The following THUMPD2 variants were observed in gnomAD, a reference collection of about 807,000 sequenced individuals.
The protein encoded by THUMPD2 is U6 snRNA (guanine-N(2))-methyltransferase THUMPD2.
A neutral mutation model predicts 49.4 loss-of-function variants in THUMPD2; 56 were observed. The observed-to-expected ratio is 1.13, with a 90% CI of 0.91 to 1.41. THUMPD2 has a LOEUF of 1.41. THUMPD2 is among the 40% of genes most tolerant of loss of function. The pLI is 0.00. For missense variants in THUMPD2, 709 were observed against 594.5 expected, an observed-to-expected ratio of 1.19 and a Z score of -2.00; for synonymous variants, 237 against 205.2, an observed-to-expected ratio of 1.15 and a Z score of -1.32.
In THUMPD2 at chr2:39,755,500, G is replaced by C. The variant is rs951663811; in HGVS notation, c.964-91C>G. 7.4e-6 allele frequency: 6 copies of C among 808,856 alleles called. No homozygotes were observed. In the African/African-American group the frequency reaches 9.1e-5, roughly 12 times the overall value. 50.1% of individuals were successfully genotyped at this position (808,856 alleles called of 1,614,324 possible). A position where few individuals can be genotyped will look rare whatever the true frequency, so the allele number is the denominator to read the frequency against. ...CGACTTGCATTTTCTCAAATGACAA[G>C]TGAAATTAGTAGATTTTAAATTCAG... On this transcript the variant is annotated intron_variant, in intron 7 of 9. Coordinates refer to ENST00000505747, the MANE Select transcript of THUMPD2 (RefSeq NM_025264.5).
chr2:39,738,848 A>T (rs1673512093), intron 9 of THUMPD2, among the ~76,000 whole-genome samples: 3 of 152,058 alleles, frequency 2.0e-5, no homozygotes, highest in Admixed American at 2.0e-4. Flanking sequence ...CTGAGGAAGC[A>T]GAGGTGTCAA....
At chr2:39,774,167 G>T (rs1678759027) in intron 1 of THUMPD2, among the ~76,000 whole-genome samples, 1 of 152,214 alleles carries the variant, frequency 6.6e-6, no homozygotes, top group South Asian at 2.1e-4. Flanking sequence ...TTCCCGCCTT[G>T]TGCCCTGAGC....
At chr2:39,749,297 G>A (rs1313896185) in intron 8 of THUMPD2, among the ~76,000 whole-genome samples, 5 of 152,146 alleles carry the variant, frequency 3.3e-5, no homozygotes, top group Middle Eastern at 3.2e-3. Flanking sequence ...GCTACTACTG[G>A]AATTGACTTA....
At chr2:39,746,194 CT>C (rs1489254342) in intron 8 of THUMPD2, among the ~76,000 whole-genome samples, 1 of 152,168 alleles carries the variant, frequency 6.6e-6, no homozygotes, top group Admixed American at 6.5e-5. Flanking sequence ...TTCAAAAAAG[CT>C]TTGCAGAACA....
chr2:39,766,222 C>G (rs1677497773), intron 4 of THUMPD2, 113 bp from the exon 5 acceptor site: 1 of 698,272 alleles, frequency 1.4e-6, no homozygotes, highest in Non-Finnish European at 2.3e-6. Context: ...AAAAGAAACT[C>G]CAAGGCCTTA....
At chr2:39,767,750 G>C (rs1386010133) in intron 4 of THUMPD2, among the ~76,000 whole-genome samples, 2 of 151,640 alleles carry the variant, frequency 1.3e-5, no homozygotes. Flanking sequence ...ACAAATGTCA[G>C]ACAAGCGCAA....
At chr2:39,779,004 TG>T (rs937246691) in intron 1 of THUMPD2, 109 bp downstream of exon 1, 25 of 1,295,708 alleles carry the variant, frequency 1.9e-5, no homozygotes, top group Middle Eastern at 2.8e-4. Context: ...GACCGTCGCG[TG>T]GAACAGAGAG....
intron 9 of THUMPD2, among the ~76,000 whole-genome samples, chr2:39,740,908 T>C (rs1673805524): frequency 6.6e-6 from 1 of 152,088 alleles, no homozygotes. Flanking sequence ...GATGAGTTCT[T>C]GCTATGTTGT....
intron 9 of THUMPD2, among the ~76,000 whole-genome samples, chr2:39,739,170 A>C (rs913879108): frequency 2.0e-5 from 3 of 151,850 alleles, no homozygotes; most frequent in Non-Finnish European, 4.4e-5. Flanking sequence ...TTCTTTGCTA[A>C]CTCCTCAGTT....
At chr2:39,750,717 A>C (rs1372776396) in intron 8 of THUMPD2, among the ~76,000 whole-genome samples, 7 of 152,144 alleles carry the variant, frequency 4.6e-5, no homozygotes, top group Non-Finnish European at 7.3e-5. Context: ...AAAACAACAA[A>C]AAAAAATTGT....
At position 39,763,869 on chromosome 2, in the gene THUMPD2, T is replaced by C. The variant is rs571663911; in HGVS notation, c.803+2188A>G. 3.9e-5 allele frequency among the ~76,000 whole-genome samples: 6 copies of C among 152,162 alleles called. No individual in the cohort carries two copies. In the East Asian group the frequency reaches 9.6e-4, roughly 24 times the overall value. ...TACTGAAACTACCTGCCATCCCCCA[T>C]GTAAATCAAACTTCCTTATACATAC... On this transcript the variant is annotated intron_variant, in intron 5 of 9. Transcript: ENST00000505747.
chr2:39,742,432 C>T (rs1183210408), intron 9 of THUMPD2, among the ~76,000 whole-genome samples: 1 of 152,112 alleles, frequency 6.6e-6, no homozygotes, highest in Admixed American at 6.6e-5. Flanking sequence ...CAATCAATCA[C>T]CTGGAATAAA....
intron 6 of THUMPD2, among the ~76,000 whole-genome samples, chr2:39,760,234 A>G (rs571940322): frequency 6.6e-6 from 1 of 152,246 alleles, no homozygotes; most frequent in Non-Finnish European, 1.5e-5. Flanking sequence ...AGAAAAAAGT[A>G]CTCTAAAGGT....
intron 9 of THUMPD2, among the ~76,000 whole-genome samples, chr2:39,740,861 A>G (rs1383080067): frequency 6.6e-6 from 1 of 151,816 alleles, no homozygotes; most frequent in East Asian, 1.9e-4. Context: ...GCATGCCACC[A>G]CACCTGGCTA....
Position 39,736,672 on chromosome 2 carries a change from A to G in THUMPD2, c.*63T>C. ...TGGGTGCTATATGAATCCTAGAGACAGCAAACTTCTGCTGTACAGCTAACT... is the reference window on the plus strand; with the variant it reads ...TGGGTGCTATATGAATCCTAGAGACGGCAAACTTCTGCTGTACAGCTAACT... On this transcript the variant is annotated 3_prime_UTR_variant, in exon 10 of 10. Coordinates refer to ENST00000505747, the MANE Select transcript of THUMPD2 (RefSeq NM_025264.5). 1 of 1,462,614 alleles carries G rather than the reference A, an allele frequency of 6.8e-7. No individual in the cohort carries two copies. 90.6% of individuals were successfully genotyped at this position (1,462,614 alleles called of 1,614,324 possible).
chr2:39,750,148 G>T (rs1209474070), intron 8 of THUMPD2, among the ~76,000 whole-genome samples: 1 of 152,112 alleles, frequency 6.6e-6, no homozygotes, highest in Non-Finnish European at 1.5e-5. Flanking sequence ...TGGTATTTCT[G>T]CCTCCGGATC....
intron 3 of THUMPD2, 138 bp downstream of exon 3, chr2:39,769,572 C>T (rs1572868874): frequency 2.5e-6 from 2 of 786,230 alleles, no homozygotes; most frequent in East Asian, 2.9e-5. Context: ...TGTGGTGACG[C>T]ACACCTGTGA....
At chr2:39,759,004 A>C (rs1250510862) in intron 6 of THUMPD2, among the ~76,000 whole-genome samples, 1 of 152,154 alleles carries the variant, frequency 6.6e-6, no homozygotes, top group African/African-American at 2.4e-5. Context: ...AATAAATTAA[A>C]ATAGAGCATG....
rs554358500 is a variant in THUMPD2 at position 39,761,548 on chromosome 2, T to C, written c.804-130A>G. ...ACATACACTAAAGTATTCCCTAAGTTAGACAATGTTTCAGTCTTATTACAA... is the reference window on the plus strand; with the variant it reads ...ACATACACTAAAGTATTCCCTAAGTCAGACAATGTTTCAGTCTTATTACAA... On this transcript the variant is annotated intron_variant, in intron 5 of 9. Transcript: ENST00000505747. 4.7e-5 allele frequency: 39 copies of C among 833,968 alleles called. 1 individual carries two copies. Among genetic ancestry groups the C allele is most frequent in the African/African-American group, 4.2e-4 (25 of 59,702 alleles). The allele number at this position is 833,968 out of a possible 1,614,324, so 51.7% of individuals were successfully genotyped here. A position where few individuals can be genotyped will look rare whatever the true frequency, so the allele number is the denominator to read the frequency against.
Sources: gnomAD v4.1 joint callset for allele counts (sites outside exome capture counted in the v4.1 genomes callset) on GRCh38, gnomAD v4.1.1 for gene constraint, MANE v1.5 for transcripts, NCBI Gene and HGNC (gene_info 2026-07-23, HGNC 2026-07-21) for gene names.